Variants in KLHL32 observed in about 807,000 individuals in gnomAD.
The protein encoded by KLHL32 is kelch like family member 32.
A neutral mutation model predicts 64.8 loss-of-function variants in KLHL32; 35 were observed. The ratio of observed to expected loss-of-function variants is 0.54; its 90% CI spans 0.41 to 0.72. The LOEUF is 0.72. Ranked by LOEUF, KLHL32 falls within the 30% of genes least tolerant of loss-of-function variation. The pLI, the probability that KLHL32 is intolerant of heterozygous loss-of-function variation, is 0.00. For missense variants in KLHL32, 589 were observed against 768.5 expected, an observed-to-expected ratio of 0.77 and a Z score of 2.76; for synonymous variants, 259 against 281.0, an observed-to-expected ratio of 0.92 and a Z score of 0.78.
In KLHL32 at chr6:97,056,096, C is replaced by CTTTTTTTTTTTTTTTTTT. The variant is rs1193971196; in HGVS notation, c.313-8523_313-8522insTTTTTTTTTTTTTTTTTT. On this transcript the variant is annotated intron_variant, in intron 4 of 10. Coordinates refer to ENST00000369261, the MANE Select transcript of KLHL32 (RefSeq NM_052904.4). The stretch of plus-strand genomic sequence containing the variant: ...GCCAGCCTCCCTTTTCTTTTTTTTT[C>CTTTTTTTTTTTTTTTTTT]TTTTTTTTTCTTTTTTTTTTTTTTT... 7.0e-4 allele frequency among the ~76,000 whole-genome samples: 87 copies of CTTTTTTTTTTTTTTTTTT among 123,790 alleles called. 2 individuals carry two copies. The highest frequency in any genetic ancestry group is 1.7e-3 in the African/African-American group (53 of 30,460). 81.2% of individuals were successfully genotyped at this position (123,790 alleles called of 152,430 possible).
At chr6:97,008,570 C>T (rs1342574806) in intron 3 of KLHL32, among the ~76,000 whole-genome samples, 2 of 152,076 alleles carry the variant, frequency 1.3e-5, no homozygotes, top group African/African-American at 4.8e-5. Context: ...CTGCTCCTGC[C>T]ACCTCTCCTG....
At chr6:96,933,296 T>C (rs1314550889) in intron 1 of KLHL32, among the ~76,000 whole-genome samples, 2 of 152,240 alleles carry the variant, frequency 1.3e-5, no homozygotes. Context: ...CTGCTTCCTC[T>C]ACTTGGACCT....
intron 4 of KLHL32, among the ~76,000 whole-genome samples, chr6:97,053,494 A>G (rs1303735990): frequency 1.3e-5 from 2 of 152,166 alleles, no homozygotes; most frequent in African/African-American, 4.8e-5. Flanking sequence ...TTTGAAAATG[A>G]AAAAACACAA....
chr6:96,970,821 A>G (rs561821776), intron 2 of KLHL32, among the ~76,000 whole-genome samples: 1 of 152,202 alleles, frequency 6.6e-6, no homozygotes, highest in African/African-American at 2.4e-5. Flanking sequence ...TAAAGTGTTT[A>G]TAAATTATAA....
chr6:96,950,335 G>A (rs1020057340), intron 1 of KLHL32, among the ~76,000 whole-genome samples: 2 of 152,014 alleles, frequency 1.3e-5, no homozygotes, highest in Admixed American at 6.6e-5. Flanking sequence ...AGAAGAGTGG[G>A]ATGTGATCCC....
Position 96,975,553 on chromosome 6 carries a change from G to A in KLHL32, c.24-444G>A, listed in dbSNP as rs981165619. On this transcript the variant is annotated intron_variant, in intron 2 of 10. Coordinates refer to ENST00000369261, the MANE Select transcript of KLHL32 (RefSeq NM_052904.4). ...GTGGGAGACATGGTAAGGTACAAAG[G>A]TGGGGAAGGAATCAGGGAATTAGAG... Among the ~76,000 whole-genome samples, 13 of 152,264 alleles carry A rather than the reference G, an allele frequency of 8.5e-5. 2 individuals carry two copies. In the South Asian group the frequency reaches 1.7e-3, roughly 19 times the overall value.
chr6:97,014,006 C>G (rs374677672), intron 3 of KLHL32, among the ~76,000 whole-genome samples: 1 of 152,124 alleles, frequency 6.6e-6, no homozygotes, highest in East Asian at 1.9e-4. Flanking sequence ...AATTTTCTCT[C>G]TGTATATGTT....
intron 1 of KLHL32, among the ~76,000 whole-genome samples, chr6:96,928,559 A>G (rs963121168): frequency 2.3e-4 from 35 of 152,188 alleles, no homozygotes; most frequent in Non-Finnish European, 5.0e-4. Flanking sequence ...CTGAACATAA[A>G]GTCAAGGGAC....
chr6:96,971,303 A>G (rs1489001315), intron 2 of KLHL32, among the ~76,000 whole-genome samples: 2 of 152,226 alleles, frequency 1.3e-5, no homozygotes, highest in Non-Finnish European at 2.9e-5. Flanking sequence ...CTTAGTCAAA[A>G]TTCTTTCCAT....
At chr6:96,918,223 T>C in the KLHL32 span, among the ~76,000 whole-genome samples, 8 of 152,122 alleles carry the variant, frequency 5.3e-5, no homozygotes, top group South Asian at 6.2e-4. Flanking sequence ...CAAGGATGCG[T>C]AGGGTGAGTT....
chr6:97,076,684 A>G (rs1791638940), intron 5 of KLHL32, among the ~76,000 whole-genome samples: 1 of 152,198 alleles, frequency 6.6e-6, no homozygotes, highest in South Asian at 2.1e-4. Flanking sequence ...CATGAAGACT[A>G]AGATGGCAAT....
chr6:97,059,355 C>T (rs939948261), intron 4 of KLHL32, among the ~76,000 whole-genome samples: 5 of 152,152 alleles, frequency 3.3e-5, no homozygotes, highest in Admixed American at 2.6e-4. Context: ...TTTTTAACAG[C>T]AGGTTGGGGC....
At chr6:97,025,169 A>T (rs2044150795) in intron 3 of KLHL32, 1 of 924,072 alleles carries the variant, frequency 1.1e-6, no homozygotes, top group Admixed American at 6.2e-5. Context: ...AATTATTGGA[A>T]TCTGTAGAAA....
At chr6:96,903,775 A>T in the KLHL32 span, among the ~76,000 whole-genome samples, 1 of 152,240 alleles carries the variant, frequency 6.6e-6, no homozygotes, top group South Asian at 2.1e-4. Context: ...CATTACTAAA[A>T]ATACATTTAG....
At chr6:96,898,987 G>A in the KLHL32 span, among the ~76,000 whole-genome samples, 1 of 152,004 alleles carries the variant, frequency 6.6e-6, no homozygotes, top group East Asian at 1.9e-4. Context: ...AAAGATAATC[G>A]AATAGAATAA....
chr6:97,135,494 C>G (rs922866031), intron 10 of KLHL32, among the ~76,000 whole-genome samples: 1 of 151,578 alleles, frequency 6.6e-6, no homozygotes, highest in Non-Finnish European at 1.5e-5. Context: ...TTTTAGTAGA[C>G]ACGGGGTTTC....
At chr6:96,907,636 A>G in the KLHL32 span, among the ~76,000 whole-genome samples, 1 of 152,140 alleles carries the variant, frequency 6.6e-6, no homozygotes, top group Non-Finnish European at 1.5e-5. Flanking sequence ...TCTTACCCCT[A>G]AGAGGCCACA....
At chr6:96,901,490 C>T in the KLHL32 span, among the ~76,000 whole-genome samples, 2 of 152,174 alleles carry the variant, frequency 1.3e-5, no homozygotes, top group East Asian at 3.9e-4. Flanking sequence ...ATTGGACCTG[C>T]GTGGATAATC....
intron 1 of KLHL32, among the ~76,000 whole-genome samples, chr6:96,926,209 G>T (rs67053923): frequency 0.13 from 20,234 of 152,136 alleles, 1,595 homozygotes; most frequent in East Asian, 0.26. Flanking sequence ...TGTTTTCCTT[G>T]GATATTTGTT....
Sources: allele counts gnomAD v4.1 joint callset (sites outside exome capture counted in the v4.1 genomes callset), GRCh38; gene constraint gnomAD v4.1.1; transcripts MANE v1.5; gene names NCBI Gene and HGNC (gene_info 2026-07-23, HGNC 2026-07-21).